Variants in CDC42BPB observed in about 807,000 individuals in gnomAD.
CDC42BPB encodes the protein serine/threonine-protein kinase MRCK beta.
CDC42BPB carries 37 observed loss-of-function variants against 214.9 expected under a neutral mutation model. That is an observed-to-expected ratio of 0.17 (90% confidence interval 0.13 to 0.23). The LOEUF (loss-of-function observed/expected upper bound fraction) is 0.23, where lower values mean the gene tolerates loss of function less well. Among genes scored for constraint, CDC42BPB ranks in the 10% least tolerant of loss-of-function variants. The pLI, the probability that CDC42BPB is intolerant of heterozygous loss-of-function variation, is 1.00. For missense variants in CDC42BPB, 1,694 were observed against 2,227.0 expected (o/e 0.76, Z 4.82); for synonymous variants, 931 against 884.0 (o/e 1.05, Z -0.94).
At chr14:102,988,880 A>AAC (rs1894368802) in intron 5 of CDC42BPB, among the ~76,000 whole-genome samples, 1 of 151,642 alleles carries the variant, frequency 6.6e-6, no homozygotes, top group Non-Finnish European at 1.5e-5. Flanking sequence ...CCAAAAAAAA[A>AAC]AAAAAAACAA....
intron 1 of CDC42BPB, 100 bp downstream of exon 1, chr14:103,056,899 G>T: frequency 1.2e-6 from 1 of 836,552 alleles, no homozygotes; most frequent in Non-Finnish European, 1.7e-6. Context: ...CAGGAGGGCG[G>T]CAGGGTCTGT....
chr14:102,989,610 C>A (rs371224704), intron 5 of CDC42BPB, among the ~76,000 whole-genome samples: 4 of 152,138 alleles, frequency 2.6e-5, no homozygotes, highest in Non-Finnish European at 5.9e-5. Context: ...CGATGGCTCA[C>A]GCCTGTAATC....
intron 36 of CDC42BPB, among the ~76,000 whole-genome samples, chr14:102,934,394 C>A (rs186164798): frequency 6.6e-6 from 1 of 152,118 alleles, no homozygotes; most frequent in Admixed American, 6.6e-5. Context: ...ATTAGCCGGG[C>A]GTGGCAGCAT....
chr14:103,053,284 T>C (rs946630575), intron 1 of CDC42BPB, among the ~76,000 whole-genome samples: 3 of 151,412 alleles, frequency 2.0e-5, no homozygotes, highest in Admixed American at 6.6e-5. Flanking sequence ...GAGGCGGAGG[T>C]TGCAGTGAGC....
At chr14:102,945,796 G>T in intron 28 of CDC42BPB, 72 bp from the exon 29 acceptor site, 3 of 1,329,804 alleles carry the variant, frequency 2.3e-6, no homozygotes, top group Non-Finnish European at 2.2e-6. Context: ...GAATGCGTGG[G>T]TGGGCTCATT....
Position 102,944,274 on chromosome 14 carries a change from G to A in CDC42BPB, c.4025C>T (p.Thr1342Ile), listed in dbSNP as rs759807460. The change falls in exon 30 of 37, where the codon ACC becomes ATC. Residue 1342 changes from threonine (T) to isoleucine (I), a missense_variant. Around this residue, in one of 7 missense-constraint regions of CDC42BPB, gnomAD observed 567 missense variants for 790.3 expected, o/e 0.72. Transcript: ENST00000361246. This position sits in a 1 kb window ranked among gnomAD's most constrained non-coding sequence, Gnocchi z 6.6. ...ATATLKRNSG[T>I]CLFVAVKRLI... is the part of the protein sequence containing the mutation. ...CCGTTTCACGGCCACAAACAGGCAG[G>A]TGCCAGAGTTCCTCTTGAGTGTGGC... 37 of 1,613,210 alleles carry A rather than the reference G, an allele frequency of 2.3e-5. No individual in the cohort carries two copies. The highest frequency in any genetic ancestry group is 2.5e-5 in the Non-Finnish European group (30 of 1,180,038).
chr14:102,972,624 G>C (rs568494287), intron 12 of CDC42BPB, among the ~76,000 whole-genome samples: 1 of 147,476 alleles, frequency 6.8e-6, no homozygotes, highest in East Asian at 2.0e-4. Flanking sequence ...GGGAGGCAGA[G>C]GTTGCAGTGA....
intron 7 of CDC42BPB, among the ~76,000 whole-genome samples, chr14:102,982,547 T>C (rs574852804): frequency 9.2e-5 from 14 of 152,306 alleles, no homozygotes; most frequent in South Asian, 2.1e-4. Flanking sequence ...GGTGGGTGGA[T>C]TGCCTGAAGT....
intron 5 of CDC42BPB, among the ~76,000 whole-genome samples, chr14:102,996,334 C>A (rs760811005): frequency 3.4e-4 from 51 of 151,692 alleles, no homozygotes; most frequent in Non-Finnish European, 5.0e-4. Flanking sequence ...AGCAAGACTC[C>A]GTCTCAAAAA....
chr14:102,979,699 G>A (rs995974002), intron 8 of CDC42BPB, among the ~76,000 whole-genome samples: 2 of 152,138 alleles, frequency 1.3e-5, no homozygotes, highest in African/African-American at 2.4e-5. Flanking sequence ...AATAAGCAAC[G>A]AAGAAGATTT....
At chr14:102,946,239 G>A (rs547838328) in intron 28 of CDC42BPB, among the ~76,000 whole-genome samples, 1 of 152,146 alleles carries the variant, frequency 6.6e-6, no homozygotes, top group African/African-American at 2.4e-5. Context: ...TAGCCAGGAT[G>A]GTCTCAACCT....
intron 30 of CDC42BPB, chr14:102,941,679 T>C (rs1414443974): frequency 5.1e-6 from 2 of 395,656 alleles, no homozygotes; most frequent in Non-Finnish European, 6.9e-6. Flanking sequence ...GAAAAGATTC[T>C]AGTGAAACAG....
intron 25 of CDC42BPB, 98 bp downstream of exon 25, chr14:102,950,368 C>T: frequency 6.8e-7 from 1 of 1,475,456 alleles, no homozygotes; most frequent in Admixed American, 1.8e-5. Context: ...GGGCCACCTG[C>T]CGCAGCAAGG....
At chr14:102,974,636 C>T (rs1439347843) in intron 11 of CDC42BPB, among the ~76,000 whole-genome samples, 6 of 152,210 alleles carry the variant, frequency 3.9e-5, no homozygotes, top group East Asian at 1.9e-4. Context: ...ACTGCAGAGC[C>T]AACCTGTGTG....
chr14:102,938,444 G>A, intron 34 of CDC42BPB, 33 bp from the exon 35 acceptor site: 1 of 1,510,928 alleles, frequency 6.6e-7, no homozygotes, highest in East Asian at 2.3e-5. Flanking sequence ...GAGCATGCTT[G>A]GTTGACACCC....
intron 1 of CDC42BPB, among the ~76,000 whole-genome samples, chr14:103,052,960 G>T (rs1295531200): frequency 6.6e-6 from 1 of 152,238 alleles, no homozygotes; most frequent in East Asian, 1.9e-4. Context: ...TCACTGGGTT[G>T]TCCGTATTTG....
intron 34 of CDC42BPB, among the ~76,000 whole-genome samples, chr14:102,938,989 T>G (rs910323033): frequency 2.0e-5 from 3 of 149,920 alleles, no homozygotes; most frequent in Non-Finnish European, 3.0e-5. Context: ...CAGGCTGGAG[T>G]GCAGTGGTGC....
intron 1 of CDC42BPB, among the ~76,000 whole-genome samples, chr14:103,051,852 G>GTT (rs202063784): frequency 1.6e-4 from 24 of 147,818 alleles, no homozygotes; most frequent in African/African-American, 5.4e-4. Flanking sequence ...GAGGTTTTTT[G>GTT]TTTTTTTTTT....
Position 102,943,772 on chromosome 14 carries a change from G to T in CDC42BPB, c.4408+119C>A. ...GGCTGGCATGGGGCCCACCTCTCCC[G>T]ATGCTCTGTGACTACTCAACTAAGG... On this transcript the variant is annotated intron_variant, in intron 30 of 36. Coordinates refer to ENST00000361246, the MANE Select transcript of CDC42BPB (RefSeq NM_006035.4). This position sits in a 1 kb window ranked among gnomAD's most constrained non-coding sequence, Gnocchi z 4.6. 2.3e-6 allele frequency: 2 copies of T among 876,764 alleles called. No individual in the cohort carries two copies. The highest frequency in any genetic ancestry group is 3.5e-6 in the Non-Finnish European group (2 of 576,362). The allele number at this position is 876,764 out of a possible 1,614,324, so 54.3% of individuals were successfully genotyped here. A position where few individuals can be genotyped will look rare whatever the true frequency, so the allele number is the denominator to read the frequency against.
Sources: gnomAD v4.1 joint callset for allele counts (sites outside exome capture counted in the v4.1 genomes callset) on GRCh38, gnomAD v4.1.1 for gene constraint, gnomAD v4.1.1 regional missense constraint, Gnocchi (gnomAD v3.1) non-coding constraint, MANE v1.5 for transcripts, NCBI Gene and HGNC (gene_info 2026-07-23, HGNC 2026-07-21) for gene names.